The following GPHN variants were observed in gnomAD, a reference collection of about 807,000 sequenced individuals.
GPHN encodes gephyrin.
A neutral mutation model predicts 95.5 loss-of-function variants in GPHN; 17 were observed. That is an observed-to-expected ratio of 0.18 (90% confidence interval 0.12 to 0.27). GPHN has a LOEUF of 0.27. Ranked by LOEUF, GPHN falls within the 10% of genes least tolerant of loss-of-function variation. The pLI, the probability that GPHN is intolerant of heterozygous loss-of-function variation, is 1.00. For synonymous variants in GPHN, 320 were observed against 322.5 expected (o/e 0.99, Z 0.08); for missense variants, 660 against 978.1 (o/e 0.67, Z 4.34).
the GPHN span, chr14:67,726,219 A>G: frequency 1.0e-6 from 1 of 978,650 alleles, no homozygotes. Context: ...GGAAGATGAC[A>G]CTGTGTAAAT....
chr14:67,599,824 G>C, the GPHN span, among the ~76,000 whole-genome samples: 1 of 152,178 alleles, frequency 6.6e-6, no homozygotes, highest in Non-Finnish European at 1.5e-5. Flanking sequence ...TACTATCCAG[G>C]AGCACACATT....
intron 16 of GPHN, among the ~76,000 whole-genome samples, chr14:67,118,971 G>A (rs967595258): frequency 6.6e-6 from 1 of 152,112 alleles, no homozygotes; most frequent in African/African-American, 2.4e-5. Flanking sequence ...TTTTTATGAG[G>A]GTATTTATAG....
chr14:67,325,127 G>A, the GPHN span, among the ~76,000 whole-genome samples: 1 of 151,800 alleles, frequency 6.6e-6, no homozygotes, highest in Admixed American at 6.6e-5. Flanking sequence ...GGATGGTCTT[G>A]ATCTCCTGAC....
chr14:67,171,659 C>G (rs2082605762), intron 21 of GPHN, among the ~76,000 whole-genome samples: 1 of 152,112 alleles, frequency 6.6e-6, no homozygotes, highest in African/African-American at 2.4e-5. Flanking sequence ...CCATCCCCCC[C>G]TCACAAACAC....
chr14:67,732,294 C>T, the GPHN span, among the ~76,000 whole-genome samples: 1 of 151,312 alleles, frequency 6.6e-6, no homozygotes, highest in South Asian at 2.1e-4. Context: ...AAAAATTAGC[C>T]CAGCATTGTG....
At chr14:67,100,977 A>G (rs536657140) in intron 13 of GPHN, 66 bp downstream of exon 13, 75 of 916,640 alleles carry the variant, frequency 8.2e-5, no homozygotes, top group African/African-American at 8.1e-4. Context: ...ATCTAATTCT[A>G]AATTTCTCCT....
chr14:67,542,583 T>G, the GPHN span, among the ~76,000 whole-genome samples: 1 of 152,266 alleles, frequency 6.6e-6, no homozygotes, highest in Admixed American at 6.5e-5. Context: ...AGAATAGGTC[T>G]TAAATGGGAA....
chr14:67,014,851 C>A (rs111228467), intron 9 of GPHN, among the ~76,000 whole-genome samples: 2,380 of 152,250 alleles, frequency 0.016, 33 homozygotes, highest in Non-Finnish European at 0.018. Context: ...TCAACATTAA[C>A]ATTTTCAGAA....
At chr14:67,544,617 A>G in the GPHN span, among the ~76,000 whole-genome samples, 67 of 152,368 alleles carry the variant, frequency 4.4e-4, no homozygotes, top group African/African-American at 1.6e-3. Context: ...AGTTTTGAAG[A>G]CGTAACAAAG....
the GPHN span, among the ~76,000 whole-genome samples, chr14:67,645,317 C>T: frequency 0.011 from 1,644 of 152,118 alleles, 25 homozygotes; most frequent in African/African-American, 0.033. Flanking sequence ...TCTGGCTTAA[C>T]TTGATTTCAT....
chr14:66,978,574 C>A (rs1460508292), intron 9 of GPHN, among the ~76,000 whole-genome samples: 1 of 152,156 alleles, frequency 6.6e-6, no homozygotes, highest in Non-Finnish European at 1.5e-5. Context: ...GTCGCAACTT[C>A]AGGCTCCCCT....
At chr14:66,865,237 TA>T (rs1246428815) in intron 4 of GPHN, among the ~76,000 whole-genome samples, 1 of 151,774 alleles carries the variant, frequency 6.6e-6, no homozygotes, top group Non-Finnish European at 1.5e-5. Flanking sequence ...TATTTTTAAA[TA>T]AAAAATATAA....
intron 2 of GPHN, among the ~76,000 whole-genome samples, chr14:66,693,483 A>G (rs2067917448): frequency 6.6e-6 from 1 of 152,146 alleles, no homozygotes; most frequent in South Asian, 2.1e-4. Flanking sequence ...TTATTAGGAG[A>G]ATTGACTCAT....
intron 1 of GPHN, among the ~76,000 whole-genome samples, chr14:66,587,224 T>G (rs2061459091): frequency 6.6e-6 from 1 of 152,058 alleles, no homozygotes; most frequent in Non-Finnish European, 1.5e-5. Flanking sequence ...AGTAAGGAGA[T>G]TAAGTCAATA....
intron 1 of GPHN, among the ~76,000 whole-genome samples, chr14:66,547,398 G>A (rs1049142581): frequency 6.6e-6 from 1 of 152,170 alleles, no homozygotes; most frequent in Non-Finnish European, 1.5e-5. Context: ...ATAAGTAAAA[G>A]AGTCTGAAAA....
Position 67,093,307 on chromosome 14 carries a change from T to G in GPHN, c.1237+4232T>G, listed in dbSNP as rs573989046. ...CCCCCTGGCCACTATTAGCATTTTG[T>G]GCATTTACCTCACATACAGTGGGTT... is the stretch of plus-strand genomic sequence containing the variant. On this transcript the variant is annotated intron_variant, in intron 12 of 22. Coordinates refer to ENST00000478722, the MANE Select transcript of GPHN (RefSeq NM_020806.5). Among the ~76,000 whole-genome samples the G allele has an allele frequency of 3.9e-5, 6 of 152,270 alleles. No individual in the cohort carries two copies. The East Asian group carries it at 1.2e-3, about 29-fold the overall frequency.
intron 3 of GPHN, among the ~76,000 whole-genome samples, chr14:66,782,747 C>T (rs534766940): frequency 3.3e-5 from 5 of 152,186 alleles, no homozygotes; most frequent in East Asian, 1.9e-4. Context: ...AGAGAAGAAT[C>T]GCTTGAACCC....
At chr14:67,475,028 G>C in the GPHN span, among the ~76,000 whole-genome samples, 99 of 148,178 alleles carry the variant, frequency 6.7e-4, no homozygotes, top group African/African-American at 2.3e-3. Flanking sequence ...CGATTCTCCT[G>C]TCTCAGACTC....
At chr14:67,672,432 TTTTTC>T in the GPHN span, among the ~76,000 whole-genome samples, 11,586 of 139,786 alleles carry the variant, frequency 0.083, 676 homozygotes, top group East Asian at 0.22. Flanking sequence ...AGTCTACTTT[TTTTTC>T]TTTTCTTTTC....
Sources: gnomAD v4.1 joint callset for allele counts (sites outside exome capture counted in the v4.1 genomes callset) on GRCh38, gnomAD v4.1.1 for gene constraint, MANE v1.5 for transcripts, NCBI Gene and HGNC (gene_info 2026-07-23, HGNC 2026-07-21) for gene names.